The following PCDHGB1 variants were observed in gnomAD, a reference collection of about 807,000 sequenced individuals.
PCDHGB1 encodes the protein protocadherin gamma subfamily B, 1.
A neutral mutation model predicts 56.6 loss-of-function variants in PCDHGB1; 34 were observed. That is an observed-to-expected ratio of 0.60 (90% CI 0.46 to 0.80). The LOEUF is 0.80. Among genes scored for constraint, PCDHGB1 ranks in the 30% least tolerant of loss-of-function variants. The pLI, the probability that PCDHGB1 is intolerant of heterozygous loss-of-function variation, is 0.00. For synonymous variants in PCDHGB1, 561 were observed against 505.9 expected, an observed-to-expected ratio of 1.11 and a Z score of -1.46; for missense variants, 1,278 against 1,204.6, an observed-to-expected ratio of 1.06 and a Z score of -0.90.
In PCDHGB1 at chr5:141,486,546, G is replaced by A. The variant is rs1156517969; in HGVS notation, c.2410-8261G>A. Reference sequence around the variant, plus strand: ...GATAATCCACCCTCTTTCTTTCAGAGGTCACATGAGGTGTTTGTTCCTGAG... The same window carrying A: ...GATAATCCACCCTCTTTCTTTCAGAAGTCACATGAGGTGTTTGTTCCTGAG... On this transcript the variant is annotated intron_variant, in intron 1 of 3. Coordinates refer to ENST00000523390, the MANE Select transcript of PCDHGB1 (RefSeq NM_018922.3). The surrounding 1 kb of genome is among the most constrained non-coding windows in gnomAD (Gnocchi z 5.0). 3 of 1,614,084 alleles carry A rather than the reference G, an allele frequency of 1.9e-6. No homozygotes were observed. The East Asian group carries it at 6.7e-5, about 36-fold the overall frequency.
At position 141,454,263 on chromosome 5, in the gene PCDHGB1, T is replaced by C. The variant is rs954231508; in HGVS notation, c.2410-40544T>C. Among the ~76,000 whole-genome samples, 42 of 152,140 alleles carry C rather than the reference T, an allele frequency of 2.8e-4. 1 individual carries two copies. Among genetic ancestry groups the C allele is most frequent in the South Asian group, 1.0e-3 (5 of 4,826 alleles). On this transcript the variant is annotated intron_variant, in intron 1 of 3. Coordinates refer to ENST00000523390, the MANE Select transcript of PCDHGB1 (RefSeq NM_018922.3). Reference sequence around the variant, plus strand: ...GATGAAGATGTCCCAGAGAAAGTAATGCCAGCAAAAACTTCACATTAAAGG... The same window carrying C: ...GATGAAGATGTCCCAGAGAAAGTAACGCCAGCAAAAACTTCACATTAAAGG...
intron 1 of PCDHGB1, among the ~76,000 whole-genome samples, chr5:141,462,382 C>T (rs80320684): frequency 0.016 from 2,433 of 152,148 alleles, 70 homozygotes; most frequent in African/African-American, 0.055. Flanking sequence ...CTTTTAAATT[C>T]GTTAACATTT....
rs1428205327 is a variant in PCDHGB1, at chr5:141,352,242, C to T, written c.1982C>T (p.Ala661Val). The T allele has an allele frequency of 6.2e-7, 1 of 1,614,092 alleles. No individual in the cohort carries two copies. Among genetic ancestry groups the T allele is most frequent in the Admixed American group, 1.7e-5 (1 of 60,036 alleles). ...ACCGCCACGCTGCACCTAATCTTCG[C>T]GGATAGCCTGCAAGAGGTATTGCCA... ...SATATLHLIF[A>V]DSLQEVLPDL... is the part of the protein sequence containing the mutation. Residue 661 changes from alanine (A) to valine (V), a missense_variant, in exon 1 of 4, where the codon GCG becomes GTG. Transcript: ENST00000523390.
intron 1 of PCDHGB1, among the ~76,000 whole-genome samples, chr5:141,435,478 C>A (rs1279447863): frequency 6.6e-6 from 1 of 152,146 alleles, no homozygotes; most frequent in Non-Finnish European, 1.5e-5. Flanking sequence ...TTAGACATTT[C>A]TTTTGCCCAT....
chr5:141,420,505 T>C (rs923726040), intron 1 of PCDHGB1: 4 of 457,906 alleles, frequency 8.7e-6, no homozygotes, highest in Middle Eastern at 6.0e-4. Context: ...GGTGACATTT[T>C]TATGAAGTAA....
intron 1 of PCDHGB1, chr5:141,378,037 A>G (rs898518521): frequency 1.3e-5 from 2 of 152,204 alleles, no homozygotes; most frequent in African/African-American, 4.8e-5. Flanking sequence ...TTAAAACAAG[A>G]CTTTCCTTAT....
In PCDHGB1 at chr5:141,383,423, A is replaced by G. The variant is rs373117845; in HGVS notation, c.2409+30754A>G. 86 of 1,613,864 alleles carry G rather than the reference A, an allele frequency of 5.3e-5. No individual in the cohort carries two copies. The highest frequency in any genetic ancestry group is 1.6e-4 in the Middle Eastern group (1 of 6,084). On this transcript the variant is annotated intron_variant, in intron 1 of 3. Transcript: ENST00000523390. ...CTCCAGAGTTACCAGCTCAGCCCCAATCGCCACTTCTCCCTGGCTGTGCAA... is the reference window on the plus strand; with the variant it reads ...CTCCAGAGTTACCAGCTCAGCCCCAGTCGCCACTTCTCCCTGGCTGTGCAA...
intron 1 of PCDHGB1, chr5:141,361,691 C>T (rs764200534): frequency 6.2e-7 from 1 of 1,613,382 alleles, no homozygotes; most frequent in East Asian, 2.2e-5. Flanking sequence ...GCGCAGCGCG[C>T]CTTCGATCAT....
At chr5:141,414,722 G>T in intron 1 of PCDHGB1, 1 of 1,614,128 alleles carries the variant, frequency 6.2e-7, no homozygotes, top group South Asian at 1.1e-5. Flanking sequence ...TCAGACACTG[G>T]CGTCCTGTAT....
intron 1 of PCDHGB1, chr5:141,417,644 A>G (rs2096142506): frequency 3.9e-6 from 3 of 779,086 alleles, no homozygotes; most frequent in Non-Finnish European, 5.8e-6. Context: ...GGGATCCCTC[A>G]GCCTCTAGCC....
chr5:141,480,102 T>C (rs568342271), intron 1 of PCDHGB1, among the ~76,000 whole-genome samples: 1 of 152,320 alleles, frequency 6.6e-6, no homozygotes, highest in South Asian at 2.1e-4. Flanking sequence ...GCAAAGTGTT[T>C]AGCATGGTGC....
At chr5:141,400,637 C>T (rs1198861683) in intron 1 of PCDHGB1, 1 of 1,324,714 alleles carries the variant, frequency 7.5e-7, no homozygotes, top group Non-Finnish European at 1.1e-6. Flanking sequence ...GTCAGAGCTG[C>T]TCAGAAAGCT....
intron 1 of PCDHGB1, among the ~76,000 whole-genome samples, chr5:141,484,321 G>A (rs2099594762): frequency 6.6e-6 from 1 of 152,124 alleles, no homozygotes; most frequent in Non-Finnish European, 1.5e-5. Flanking sequence ...CTTCCATACT[G>A]TCCTTGAAAT....
At position 141,356,571 on chromosome 5, in the gene PCDHGB1, C is replaced by T. The variant is rs775921422; in HGVS notation, c.2409+3902C>T. The stretch of plus-strand genomic sequence containing the variant: ...CACCCACTTTCCCTCATGCTTCCTA[C>T]TCTGCTTACATTCCTGAAAACAACC... On this transcript the variant is annotated intron_variant, in intron 1 of 3. Coordinates refer to ENST00000523390, the MANE Select transcript of PCDHGB1 (RefSeq NM_018922.3). 5.0e-6 allele frequency: 8 copies of T among 1,614,186 alleles called. No individual in the cohort carries two copies. The East Asian group carries it at 8.9e-5, about 18-fold the overall frequency.
chr5:141,374,410 T>G, intron 1 of PCDHGB1: 1 of 1,614,012 alleles, frequency 6.2e-7, no homozygotes. Context: ...TTAACATCCT[T>G]GTCGAGGATA....
intron 1 of PCDHGB1, chr5:141,422,401 C>G: frequency 6.3e-7 from 1 of 1,598,896 alleles, no homozygotes; most frequent in Non-Finnish European, 8.5e-7. Context: ...TAACCACCTG[C>G]CTTTTAAATT....
At chr5:141,461,009 A>T (rs1407993113) in intron 1 of PCDHGB1, among the ~76,000 whole-genome samples, 1 of 151,542 alleles carries the variant, frequency 6.6e-6, no homozygotes, top group Admixed American at 6.6e-5. Flanking sequence ...GTATATATAT[A>T]TACCACATTT....
Position 141,489,992 on chromosome 5 carries a change from TC to T in PCDHGB1, c.2410-4812del. The T allele has an allele frequency of 6.2e-7, 1 of 1,614,216 alleles. No individual in the cohort carries two copies. The highest frequency in any genetic ancestry group is 8.5e-7 in the Non-Finnish European group (1 of 1,180,016). On this transcript the variant is annotated intron_variant, in intron 1 of 3. Coordinates refer to ENST00000523390, the MANE Select transcript of PCDHGB1 (RefSeq NM_018922.3). The surrounding 1 kb of genome is among the most constrained non-coding windows in gnomAD (Gnocchi z 4.5). The stretch of plus-strand genomic sequence containing the variant: ...CAATCCTCAGTTCTACGTGTGGGAA[TC>T]CCAGAGAATGCACCCATTGGTACTC...
chr5:141,358,149 C>T (rs1216761521), intron 1 of PCDHGB1, among the ~76,000 whole-genome samples: 1 of 152,210 alleles, frequency 6.6e-6, no homozygotes, highest in Non-Finnish European at 1.5e-5. Context: ...GAGATCATGA[C>T]ACTGTACTCC....
Sources: gnomAD v4.1 joint callset for allele counts (sites outside exome capture counted in the v4.1 genomes callset) on GRCh38, gnomAD v4.1.1 for gene constraint, Gnocchi (gnomAD v3.1) non-coding constraint, MANE v1.5 for transcripts, NCBI Gene and HGNC (gene_info 2026-07-23, HGNC 2026-07-21) for gene names.